Variants in WWC2 observed in about 807,000 individuals in gnomAD.
WWC2 encodes the protein protein WWC2.
Under a neutral mutation model 138.5 loss-of-function variants are expected in WWC2, and 101 were observed. That is an observed-to-expected ratio of 0.73 (90% CI 0.62 to 0.86). The LOEUF is 0.86. Among genes scored for constraint, WWC2 ranks in the 40% least tolerant of loss-of-function variants. WWC2 has a pLI of 0.00. For synonymous variants in WWC2, 558 were observed against 538.4 expected (o/e 1.04, Z -0.50); for missense variants, 1,420 against 1,419.4 (o/e 1.00, Z -0.01).
intron 1 of WWC2, among the ~76,000 whole-genome samples, chr4:183,124,099 G>T (rs998846935): frequency 6.6e-6 from 1 of 152,152 alleles, no homozygotes; most frequent in Admixed American, 6.5e-5. Flanking sequence ...TTTCTGGGAA[G>T]GGGTTGTTCT....
intron 21 of WWC2, among the ~76,000 whole-genome samples, chr4:183,300,923 G>A (rs184428860): frequency 7.2e-5 from 11 of 152,204 alleles, no homozygotes; most frequent in East Asian, 5.8e-4. Context: ...TGGCAAAGAC[G>A]GAACAGGATC....
intron 1 of WWC2, among the ~76,000 whole-genome samples, chr4:183,129,458 T>C (rs1258681499): frequency 6.6e-6 from 1 of 152,208 alleles, no homozygotes; most frequent in Non-Finnish European, 1.5e-5. Flanking sequence ...AGGTCTGTCT[T>C]GTGAAAGAAA....
At chr4:183,115,691 GTTGT>G (rs1373579213) in intron 1 of WWC2, among the ~76,000 whole-genome samples, 3 of 152,208 alleles carry the variant, frequency 2.0e-5, no homozygotes, top group South Asian at 2.1e-4. Context: ...TTTTTATGGG[GTTGT>G]TTGTTTTTTG....
chr4:183,259,663 A>G lies in WWC2; in HGVS notation c.1221A>G (p.Lys407=). Residue 407 remains lysine, a synonymous_variant, in exon 10 of 23, where the codon AAA becomes AAG. Transcript: ENST00000403733. ...GATTGAGATTGGAAGAGAGAAGAAA[A>G]GAGCTGCTACAGAAACTTGAAGAAA... ...AERLRLEERR[K]ELLQKLEETT... 1 of 1,545,486 alleles carries G rather than the reference A, an allele frequency of 6.5e-7. No homozygotes were observed.
intron 6 of WWC2, among the ~76,000 whole-genome samples, chr4:183,247,645 A>AC (rs1736832759): frequency 7.2e-6 from 1 of 139,454 alleles, no homozygotes; most frequent in Non-Finnish European, 1.5e-5. Context: ...TATACTATAT[A>AC]TACTATATAC....
chr4:183,138,439 C>A (rs1733188907), intron 1 of WWC2, among the ~76,000 whole-genome samples: 1 of 152,122 alleles, frequency 6.6e-6, no homozygotes, highest in African/African-American at 2.4e-5. Flanking sequence ...GTCTGCAGAC[C>A]AAGTCTGGCC....
intron 1 of WWC2, among the ~76,000 whole-genome samples, chr4:183,130,048 C>G (rs1419189925): frequency 6.6e-6 from 1 of 150,930 alleles, no homozygotes; most frequent in Non-Finnish European, 1.5e-5. Context: ...TTCTTTATTC[C>G]TAAGTATCTT....
chr4:183,310,739 G>T (rs1452291527), intron 21 of WWC2, among the ~76,000 whole-genome samples: 1 of 139,442 alleles, frequency 7.2e-6, no homozygotes, highest in Non-Finnish European at 1.5e-5. Context: ...TCCTGGCCTT[G>T]AGCAATCTTC....
At chr4:183,109,256 C>A (rs1241096110) in intron 1 of WWC2, among the ~76,000 whole-genome samples, 3 of 152,072 alleles carry the variant, frequency 2.0e-5, no homozygotes, top group Non-Finnish European at 2.9e-5. Context: ...GTTCACAAAG[C>A]CTGGAATGTT....
chr4:183,174,868 A>G (rs942163191), intron 1 of WWC2, among the ~76,000 whole-genome samples: 1 of 152,008 alleles, frequency 6.6e-6, no homozygotes, highest in Admixed American at 6.6e-5. Flanking sequence ...TATATATGGT[A>G]TATGTAAGAT....
chr4:183,193,524 G>T, intron 1 of WWC2, 75 bp from the exon 2 acceptor site: 1 of 1,289,114 alleles, frequency 7.8e-7, no homozygotes, highest in Non-Finnish European at 1.1e-6. Context: ...AGACACTTGT[G>T]GTTAGGGTGC....
chr4:183,242,420 G>A (rs1736650995), intron 5 of WWC2, among the ~76,000 whole-genome samples: 1 of 152,116 alleles, frequency 6.6e-6, no homozygotes, highest in Non-Finnish European at 1.5e-5. Context: ...CATTTTACTT[G>A]GTACAATAGT....
chr4:183,241,939 A>G (rs755141396), intron 5 of WWC2, among the ~76,000 whole-genome samples: 1 of 152,202 alleles, frequency 6.6e-6, no homozygotes, highest in Admixed American at 6.5e-5. Flanking sequence ...ACAATGCTGT[A>G]TTGTTTCAAA....
At chr4:183,185,710 C>G (rs1734770764) in intron 1 of WWC2, among the ~76,000 whole-genome samples, 1 of 152,074 alleles carries the variant, frequency 6.6e-6, no homozygotes, top group African/African-American at 2.4e-5. Context: ...GCCCTATGTA[C>G]AAATGTTGAC....
intron 21 of WWC2, among the ~76,000 whole-genome samples, chr4:183,304,267 C>T (rs933197315): frequency 1.3e-5 from 2 of 152,026 alleles, no homozygotes; most frequent in Non-Finnish European, 2.9e-5. Flanking sequence ...CTGCAGGAAC[C>T]GATACTGGGG....
chr4:183,191,593 A>G (rs900260772), intron 1 of WWC2, among the ~76,000 whole-genome samples: 4 of 152,196 alleles, frequency 2.6e-5, no homozygotes, highest in Non-Finnish European at 5.9e-5. Flanking sequence ...TCAAGCTCTT[A>G]ACTTCTAAGC....
intron 9 of WWC2, among the ~76,000 whole-genome samples, chr4:183,258,517 T>C (rs1737223107): frequency 6.6e-6 from 1 of 152,170 alleles, no homozygotes; most frequent in African/African-American, 2.4e-5. Context: ...ATTAAGGAAA[T>C]TTTATTTTTC....
intron 1 of WWC2, among the ~76,000 whole-genome samples, chr4:183,100,140 G>GC (rs931844930): frequency 6.6e-6 from 1 of 152,120 alleles, no homozygotes; most frequent in Admixed American, 6.5e-5. Context: ...AGGGGCTCCC[G>GC]CCCCCCGCCG....
intron 12 of WWC2, 111 bp from the exon 13 acceptor site, chr4:183,265,577 A>T: frequency 9.3e-7 from 1 of 1,077,480 alleles, no homozygotes; most frequent in Non-Finnish European, 1.4e-6. Flanking sequence ...GGGAGGGCAT[A>T]GGAGTGCTGT....
Sources: gnomAD v4.1 joint callset for allele counts (sites outside exome capture counted in the v4.1 genomes callset) on GRCh38, gnomAD v4.1.1 for gene constraint, MANE v1.5 for transcripts, NCBI Gene and HGNC (gene_info 2026-07-23, HGNC 2026-07-21) for gene names.